MALRD1: variants seen among roughly 807,000 people sequenced by gnomAD.
MALRD1 encodes the protein MAM and LDL receptor class A domain containing 1.
MALRD1 carries 247 observed loss-of-function variants against 242.1 expected under a neutral mutation model. The observed-to-expected ratio is 1.02, with a 90% CI of 0.92 to 1.13. The LOEUF is 1.13. Among genes scored for constraint, MALRD1 ranks in the 50% most tolerant of loss-of-function variants. The probability of loss-of-function intolerance (pLI) is 0.00; values close to 1 mark genes in which losing one functional copy is unlikely to be tolerated. For missense variants in MALRD1, 2,989 were observed against 2,533.1 expected, an observed-to-expected ratio of 1.18 and a Z score of -3.86; for synonymous variants, 995 against 866.6, an observed-to-expected ratio of 1.15 and a Z score of -2.60.
chr10:19,519,142 A>G (rs545309406), intron 31 of MALRD1, among the ~76,000 whole-genome samples: 3 of 152,216 alleles, frequency 2.0e-5, no homozygotes, highest in African/African-American at 4.8e-5. Context: ...TTCATTGTCA[A>G]AATTTTTCAT....
chr10:19,454,728 A>ACGCG (rs750185903), intron 29 of MALRD1, among the ~76,000 whole-genome samples: 1 of 149,576 alleles, frequency 6.7e-6, no homozygotes, highest in African/African-American at 2.4e-5. Context: ...ACACACACAC[A>ACGCG]CACACACACA....
intron 14 of MALRD1, among the ~76,000 whole-genome samples, chr10:19,179,987 A>AG (rs1835433644): frequency 6.6e-6 from 1 of 152,220 alleles, no homozygotes; most frequent in Middle Eastern, 3.4e-3. Context: ...CAGAAGAAGA[A>AG]AAAAAAAGAA....
intron 29 of MALRD1, among the ~76,000 whole-genome samples, chr10:19,478,749 C>A (rs1168950904): frequency 6.6e-6 from 1 of 152,128 alleles, no homozygotes; most frequent in Non-Finnish European, 1.5e-5. Flanking sequence ...TATGTAACAA[C>A]CAGTAAATTA....
intron 38 of MALRD1, among the ~76,000 whole-genome samples, chr10:19,701,531 A>G (rs1470758514): frequency 6.6e-6 from 1 of 152,134 alleles, no homozygotes; most frequent in Non-Finnish European, 1.5e-5. Context: ...TACACCCTGG[A>G]CGAAGGGAGC....
chr10:19,393,703 AC>A (rs1846447795), intron 28 of MALRD1, among the ~76,000 whole-genome samples: 1 of 149,622 alleles, frequency 6.7e-6, no homozygotes, highest in African/African-American at 2.5e-5. Context: ...TGATCTGCCC[AC>A]CTTGGCCTCC....
chr10:19,571,080 T>A (rs1320303763), intron 33 of MALRD1, among the ~76,000 whole-genome samples: 2 of 152,254 alleles, frequency 1.3e-5, no homozygotes, highest in East Asian at 3.9e-4. Flanking sequence ...TTCCAATAGT[T>A]ATTCCTGCTA....
chr10:19,299,054 T>C (rs542512965), intron 21 of MALRD1, among the ~76,000 whole-genome samples: 5 of 151,846 alleles, frequency 3.3e-5, no homozygotes, highest in Non-Finnish European at 7.4e-5. Flanking sequence ...ACAAAAGAGA[T>C]GTCTACAACC....
At chr10:19,484,847 A>T (rs61843302) in intron 29 of MALRD1, among the ~76,000 whole-genome samples, 6 of 152,216 alleles carry the variant, frequency 3.9e-5, no homozygotes, top group African/African-American at 1.4e-4. Flanking sequence ...AAAAGTAGGC[A>T]TTATTTACAA....
intron 22 of MALRD1, 77 bp from the exon 23 acceptor site, chr10:19,327,486 C>T (rs999620225): frequency 2.7e-6 from 3 of 1,107,732 alleles, no homozygotes; most frequent in South Asian, 3.2e-5. Flanking sequence ...AAAAAAAAAT[C>T]ACTGGAAGAA....
rs541123958 is a variant in MALRD1 at position 19,645,059 on chromosome 10, T to G, written c.6137+29136T>G. Among the ~76,000 whole-genome samples the G allele has an allele frequency of 2.0e-5, 3 of 152,362 alleles. No homozygotes were observed. The East Asian group carries it at 5.8e-4, about 29-fold the overall frequency. ...TTCAAAGACATTATCAGATCATTTT[T>G]CTTATTTTCTCATTTTCATAGTGTC... is the stretch of plus-strand genomic sequence containing the variant. On this transcript the variant is annotated intron_variant, in intron 36 of 39. Coordinates refer to ENST00000454679, the MANE Select transcript of MALRD1 (RefSeq NM_001142308.3).
At chr10:19,148,312 G>T (rs72790772) in intron 11 of MALRD1, among the ~76,000 whole-genome samples, 8,624 of 152,100 alleles carry the variant, frequency 0.057, 324 homozygotes, top group Middle Eastern at 0.1. Context: ...GTTCCGACAC[G>T]ATGTTGACAC....
chr10:19,458,906 A>T (rs902255593), intron 29 of MALRD1, among the ~76,000 whole-genome samples: 2 of 151,898 alleles, frequency 1.3e-5, no homozygotes, highest in Non-Finnish European at 2.9e-5. Context: ...ATATATATAT[A>T]TATGTGCGTA....
chr10:19,087,962 T>C (rs367613411), intron 3 of MALRD1, 28 bp downstream of exon 3: 13 of 1,232,472 alleles, frequency 1.1e-5, no homozygotes, highest in South Asian at 8.2e-5. Context: ...GCATTTTAAA[T>C]ATTTTGTCAC....
chr10:19,236,237 G>T (rs980146693), intron 18 of MALRD1, among the ~76,000 whole-genome samples: 3 of 152,170 alleles, frequency 2.0e-5, no homozygotes, highest in East Asian at 1.9e-4. Context: ...GTAGCAATCA[G>T]TTCTGCACAG....
At chr10:19,576,182 T>A (rs1201891369) in intron 33 of MALRD1, among the ~76,000 whole-genome samples, 1 of 152,232 alleles carries the variant, frequency 6.6e-6, no homozygotes, top group Non-Finnish European at 1.5e-5. Context: ...GTAATAGCTT[T>A]GGAAGCTGAG....
chr10:19,499,501 T>G (rs1311560455), intron 31 of MALRD1, among the ~76,000 whole-genome samples: 1 of 151,674 alleles, frequency 6.6e-6, no homozygotes, highest in Non-Finnish European at 1.5e-5. Context: ...AGGGAATGTC[T>G]TCAGATTTCA....
intron 22 of MALRD1, among the ~76,000 whole-genome samples, chr10:19,325,679 T>G (rs1396323680): frequency 6.6e-6 from 1 of 152,156 alleles, no homozygotes; most frequent in African/African-American, 2.4e-5. Flanking sequence ...AATTCCAGAA[T>G]TGTATGTACT....
chr10:19,640,593 T>G (rs1016134447), intron 36 of MALRD1, among the ~76,000 whole-genome samples: 1 of 152,234 alleles, frequency 6.6e-6, no homozygotes, highest in Non-Finnish European at 1.5e-5. Flanking sequence ...CTAACCCTGT[T>G]CTATATAAGA....
At chr10:19,587,886 A>G (rs1309246149) in intron 33 of MALRD1, among the ~76,000 whole-genome samples, 1 of 149,702 alleles carries the variant, frequency 6.7e-6, no homozygotes, top group Admixed American at 6.8e-5. Context: ...CCGAAATGCC[A>G]GTTCCTAAAT....
Sources: gnomAD v4.1 joint callset for allele counts (sites outside exome capture counted in the v4.1 genomes callset) on GRCh38, gnomAD v4.1.1 for gene constraint, MANE v1.5 for transcripts, NCBI Gene and HGNC (gene_info 2026-07-23, HGNC 2026-07-21) for gene names.